The following DSCAM variants were observed in gnomAD, a reference collection of about 807,000 sequenced individuals.
The protein encoded by DSCAM is DS cell adhesion molecule, also known as cell adhesion molecule DSCAM.
DSCAM carries 47 observed loss-of-function variants against 217.7 expected under a neutral mutation model. That is an observed-to-expected ratio of 0.22 (90% CI 0.17 to 0.28). The LOEUF (loss-of-function observed/expected upper bound fraction) is 0.28. Ranked by LOEUF, DSCAM falls within the 10% of genes least tolerant of loss-of-function variation. The probability of loss-of-function intolerance (pLI) is 1.00; values close to 1 mark genes in which losing one functional copy is unlikely to be tolerated. For synonymous variants in DSCAM, 1,056 were observed against 1,015.3 expected, an observed-to-expected ratio of 1.04 and a Z score of -0.76; for missense variants, 2,080 against 2,618.3, an observed-to-expected ratio of 0.79 and a Z score of 4.49.
chr21:40,549,938 A>C (rs892157059), intron 3 of DSCAM, among the ~76,000 whole-genome samples: 4 of 152,238 alleles, frequency 2.6e-5, no homozygotes, highest in African/African-American at 9.6e-5. Context: ...TGCTGAAATG[A>C]ATGAAATAAT....
chr21:40,318,337 A>T (rs76092032), intron 8 of DSCAM, among the ~76,000 whole-genome samples: 491 of 26,594 alleles, frequency 0.018, 1 homozygote, highest in African/African-American at 0.12. Flanking sequence ...AAGTATAATT[A>T]AAAAAAAAAA....
intron 11 of DSCAM, among the ~76,000 whole-genome samples, chr21:40,256,834 G>A (rs1327284259): frequency 6.6e-6 from 1 of 152,136 alleles, no homozygotes; most frequent in Non-Finnish European, 1.5e-5. Context: ...TCCACACCTT[G>A]TCAACTCGGC....
chr21:40,083,959 A>G lies in DSCAM; in HGVS notation c.4180T>C (p.Ser1394Pro), dbSNP rs144643765. ...RLTVSKTTSS[S>P]ITLSWLPGDN... ...CCAGGGAGCCAAGAAAGGGTGATGG[A>G]GGAAGACGTGGTCTTGGAGACTGTA... Residue 1394 changes from serine to proline, a missense_variant, in exon 24 of 33, where the codon TCC becomes CCC. Ser to Pro is a moderately conservative substitution (Grantham distance 74). This residue lies in a region of DSCAM where 1,144 missense variants were observed against 1,421.1 expected (regional missense o/e 0.81). Transcript: ENST00000400454. 2 of 1,613,882 alleles carry G rather than the reference A, an allele frequency of 1.2e-6. No homozygotes were observed. Among genetic ancestry groups the G allele is most frequent in the Non-Finnish European group, 1.7e-6 (2 of 1,179,918 alleles).
At chr21:40,644,963 C>A (rs935086149) in intron 3 of DSCAM, among the ~76,000 whole-genome samples, 1 of 152,128 alleles carries the variant, frequency 6.6e-6, no homozygotes, top group Admixed American at 6.5e-5. Flanking sequence ...AGCACTCATA[C>A]CCTTCTACCA....
chr21:40,568,715 C>T (rs2076783527), intron 3 of DSCAM, among the ~76,000 whole-genome samples: 1 of 152,126 alleles, frequency 6.6e-6, no homozygotes, highest in Non-Finnish European at 1.5e-5. Flanking sequence ...AAATAATAAT[C>T]TTACACTTTG....
At chr21:40,013,799 G>A (rs1170079807) in intron 32 of DSCAM, among the ~76,000 whole-genome samples, 2 of 152,180 alleles carry the variant, frequency 1.3e-5, no homozygotes, top group Non-Finnish European at 2.9e-5. Context: ...GAGAGCCAGG[G>A]ACGCCAAGCG....
intron 8 of DSCAM, among the ~76,000 whole-genome samples, chr21:40,333,194 A>C: frequency 6.6e-6 from 1 of 152,318 alleles, no homozygotes; most frequent in Middle Eastern, 3.4e-3. Flanking sequence ...GGAAAGCCAA[A>C]ATTCTAAGTC....
intron 14 of DSCAM, among the ~76,000 whole-genome samples, chr21:40,181,580 C>G (rs59431059): frequency 1.3e-5 from 2 of 151,946 alleles, no homozygotes; most frequent in African/African-American, 4.8e-5. Context: ...TTGGCCTCGC[C>G]TGTGTTATCT....
Position 40,012,865 on chromosome 21 carries a change from AG to A in DSCAM, c.*168del. Reference sequence around the variant, plus strand: ...GGAGCTCACACTCAGACAGAAAAAAAGCAGGAGAGTCTTTGCACTGTCTGTG... The same window carrying A: ...GGAGCTCACACTCAGACAGAAAAAAACAGGAGAGTCTTTGCACTGTCTGTG... On this transcript the variant is annotated 3_prime_UTR_variant, in exon 33 of 33. Coordinates refer to ENST00000400454, the MANE Select transcript of DSCAM (RefSeq NM_001389.5). 4.1e-6 allele frequency: 2 copies of A among 483,668 alleles called. No individual in the cohort carries two copies. Among genetic ancestry groups the A allele is most frequent in the Non-Finnish European group, 6.6e-6 (2 of 304,986 alleles). 30.0% of individuals were successfully genotyped at this position (483,668 alleles called of 1,614,324 possible).
intron 11 of DSCAM, among the ~76,000 whole-genome samples, chr21:40,253,745 G>A (rs951444320): frequency 1.8e-4 from 28 of 152,256 alleles, no homozygotes; most frequent in African/African-American, 6.5e-4. Flanking sequence ...TACGCCCGGA[G>A]GGCGGCACAA....
At chr21:40,194,474 G>T (rs2090986212) in intron 11 of DSCAM, among the ~76,000 whole-genome samples, 1 of 152,162 alleles carries the variant, frequency 6.6e-6, no homozygotes, top group South Asian at 2.1e-4. Flanking sequence ...AACAGGGATT[G>T]GTACCAAGGA....
intron 28 of DSCAM, among the ~76,000 whole-genome samples, chr21:40,056,042 A>G (rs116520450): frequency 0.031 from 4,653 of 152,288 alleles, 112 homozygotes; most frequent in African/African-American, 0.059. Flanking sequence ...AGCTGGCTGG[A>G]GAGTTTCAGA....
intron 3 of DSCAM, among the ~76,000 whole-genome samples, chr21:40,469,888 C>T (rs2075874351): frequency 6.6e-6 from 1 of 152,110 alleles, no homozygotes. Flanking sequence ...AACAATGAGG[C>T]ATATGTAGTC....
At chr21:40,722,128 T>C (rs2090908186) in intron 1 of DSCAM, among the ~76,000 whole-genome samples, 2 of 152,074 alleles carry the variant, frequency 1.3e-5, no homozygotes. Context: ...ATTCCAAAGC[T>C]GAGAATTCAT....
chr21:40,191,479 C>G (rs2410221), intron 11 of DSCAM, among the ~76,000 whole-genome samples: 10,160 of 152,174 alleles, frequency 0.067, 1,068 homozygotes, highest in African/African-American at 0.22. Flanking sequence ...CTGATCCCCC[C>G]CTTCCCCTAG....
At chr21:40,430,120 C>T (rs2075516451) in intron 3 of DSCAM, among the ~76,000 whole-genome samples, 1 of 152,218 alleles carries the variant, frequency 6.6e-6, no homozygotes, top group African/African-American at 2.4e-5. Flanking sequence ...ATCCAGCACT[C>T]TGCACATTGC....
At chr21:40,800,075 C>T (rs1213822832) in intron 1 of DSCAM, among the ~76,000 whole-genome samples, 2 of 152,090 alleles carry the variant, frequency 1.3e-5, no homozygotes, top group African/African-American at 4.8e-5. Context: ...AGAGGAAAAA[C>T]GGAGACTTGA....
At chr21:40,834,039 C>T (rs1433444609) in intron 1 of DSCAM, among the ~76,000 whole-genome samples, 1 of 152,110 alleles carries the variant, frequency 6.6e-6, no homozygotes, top group East Asian at 1.9e-4. Flanking sequence ...CGTTAAGAAC[C>T]ACTGAAGAAC....
Position 40,839,937 on chromosome 21 carries a change from T to A in DSCAM, c.43+6682A>T, listed in dbSNP as rs545832981. Among the ~76,000 whole-genome samples, 350 of 152,266 alleles carry A rather than the reference T, an allele frequency of 2.3e-3. 3 individuals are homozygous for A. The highest frequency in any genetic ancestry group is 8.0e-3 in the African/African-American group (331 of 41,562). ...CATATCTTGACATATATCTTCTCAATCCCATTCATCCCTCTCTGTTAAACC... is the reference window on the plus strand; with the variant it reads ...CATATCTTGACATATATCTTCTCAAACCCATTCATCCCTCTCTGTTAAACC... On this transcript the variant is annotated intron_variant, in intron 1 of 32. Coordinates refer to ENST00000400454, the MANE Select transcript of DSCAM (RefSeq NM_001389.5).
Sources: gnomAD v4.1 joint callset for allele counts (sites outside exome capture counted in the v4.1 genomes callset) on GRCh38, gnomAD v4.1.1 for gene constraint, gnomAD v4.1.1 regional missense constraint, MANE v1.5 for transcripts, NCBI Gene and HGNC (gene_info 2026-07-23, HGNC 2026-07-21) for gene names.